The following PARP1 variants were observed in gnomAD, a reference collection of about 807,000 sequenced individuals.
PARP1 encodes poly(ADP-ribose) polymerase 1.
In PARP1, 44 loss-of-function variants were observed where a neutral mutation model predicts 118.7. The observed-to-expected ratio is 0.37, with a 90% CI of 0.29 to 0.48. The LOEUF is 0.48. Ranked by LOEUF, PARP1 falls within the 20% of genes least tolerant of loss-of-function variation. PARP1 has a pLI of 0.99. For synonymous variants in PARP1, 492 were observed against 483.2 expected, an observed-to-expected ratio of 1.02 and a Z score of -0.24; for missense variants, 1,100 against 1,272.4, an observed-to-expected ratio of 0.86 and a Z score of 2.06.
At chr1:226,386,534 T>C (rs1664721508) in intron 5 of PARP1, 92 bp from the exon 6 acceptor site, 6 of 858,954 alleles carry the variant, frequency 7.0e-6, no homozygotes, top group South Asian at 5.3e-5. Context: ...AGCCTCCAGT[T>C]ATACCCTTGT....
rs759579130 is a variant in PARP1 at position 226,363,144 on chromosome 1, C to G, written c.2803G>C (p.Ala935Pro). ...ALGNMYELKHASHISKLPKGK... is the reference protein window; with the variant it reads ...ALGNMYELKHPSHISKLPKGK... Reference sequence around the variant, plus strand: ...TTGGGTAACTTGCTGATATGTGAAGCGTGCTTCAGTTCATACCTATTCAAA... The same window carrying G: ...TTGGGTAACTTGCTGATATGTGAAGGGTGCTTCAGTTCATACCTATTCAAA... Residue 935 changes from alanine (A) to proline (P), a missense_variant, in exon 21 of 23, where the codon GCT (alanine) becomes CCT (proline). Physicochemically the swap from Ala to Pro is conservative, Grantham distance 27. This residue lies in a region of PARP1 where 152 missense variants were observed against 240.6 expected (regional missense o/e 0.63). Coordinates refer to ENST00000366794, the MANE Select transcript of PARP1 (RefSeq NM_001618.4). 2 of 1,613,288 alleles carry G rather than the reference C, an allele frequency of 1.2e-6. No homozygotes were observed. The highest frequency in any genetic ancestry group is 2.2e-5 in the South Asian group (2 of 91,062).
chr1:226,396,012 A>G (rs1388098361), intron 2 of PARP1, among the ~76,000 whole-genome samples: 1 of 152,096 alleles, frequency 6.6e-6, no homozygotes, highest in Non-Finnish European at 1.5e-5. Context: ...TTGCCTAACA[A>G]TGTGAATCTA....
chr1:226,380,591 C>T (rs990099899), intron 9 of PARP1, among the ~76,000 whole-genome samples: 3 of 152,208 alleles, frequency 2.0e-5, no homozygotes, highest in African/African-American at 7.2e-5. Flanking sequence ...TATCTATGCA[C>T]ATCTTACAGA....
chr1:226,397,497 T>C (rs1664948293), intron 2 of PARP1, among the ~76,000 whole-genome samples: 1 of 152,174 alleles, frequency 6.6e-6, no homozygotes, highest in African/African-American at 2.4e-5. Context: ...TGGATCTGTG[T>C]CCCCACTAAA....
At chr1:226,399,756 T>TATA (rs1163092737) in intron 2 of PARP1, among the ~76,000 whole-genome samples, 1 of 152,214 alleles carries the variant, frequency 6.6e-6, no homozygotes, top group African/African-American at 2.4e-5. Flanking sequence ...GCTCATCAGC[T>TATA]ATAACCATGG....
intron 5 of PARP1, among the ~76,000 whole-genome samples, chr1:226,387,865 T>C (rs1298194045): frequency 6.6e-6 from 1 of 152,254 alleles, no homozygotes; most frequent in Non-Finnish European, 1.5e-5. Context: ...TTTTGGTGCA[T>C]GACAGACACT....
In PARP1 at chr1:226,377,189, T is replaced by C. The variant is rs139083979; in HGVS notation, c.1860A>G (p.Glu620=). Residue 620 remains glutamate (E), a synonymous_variant, in exon 13 of 23, where the codon GAA becomes GAG. Coordinates refer to ENST00000366794, the MANE Select transcript of PARP1 (RefSeq NM_001618.4). ...TGGAGTGCCAAGCGTTCCCGGTTTT[T>C]TCTTCATATAATTTCATGAAGTGCT... ...AIEHFMKLYE[E]KTGNAWHSKN... 4.3e-5 allele frequency: 70 copies of C among 1,614,182 alleles called. No homozygotes were observed. Among genetic ancestry groups the C allele is most frequent in the African/African-American group, 2.8e-4 (21 of 75,054 alleles).
At chr1:226,403,704 C>G (rs780490315) in intron 1 of PARP1, among the ~76,000 whole-genome samples, 16 of 152,270 alleles carry the variant, frequency 1.1e-4, no homozygotes, top group Non-Finnish European at 1.5e-4. Flanking sequence ...ACTATGATTC[C>G]TCCCACCACA....
intron 17 of PARP1, 158 bp from the exon 18 acceptor site, chr1:226,366,210 AT>A (rs1449561784): frequency 2.9e-5 from 19 of 659,064 alleles, no homozygotes; most frequent in Non-Finnish European, 5.0e-5. Context: ...GGCTGGGCAG[AT>A]CCTGGGCCAG....
intron 21 of PARP1, among the ~76,000 whole-genome samples, chr1:226,362,676 T>C (rs1310379481): frequency 6.6e-6 from 1 of 152,194 alleles, no homozygotes; most frequent in Non-Finnish European, 1.5e-5. Flanking sequence ...CTCCAGGCAC[T>C]ACTATGTCAC....
At chr1:226,374,146 C>G in intron 14 of PARP1, 80 bp downstream of exon 14, 6 of 1,512,902 alleles carry the variant, frequency 4.0e-6, no homozygotes, top group Non-Finnish European at 5.5e-6. Context: ...GAAACAAGAA[C>G]AGGCAGACAG....
rs1238539245 is a variant in PARP1, at chr1:226,390,447, C to A, written c.580G>T (p.Ala194Ser). The A allele has an allele frequency of 5.6e-6, 9 of 1,614,156 alleles. No homozygotes were observed. Among genetic ancestry groups the A allele is most frequent in the South Asian group, 4.4e-5 (4 of 91,088 alleles). Residue 194 changes from alanine (A) to serine (S), a missense_variant, in exon 4 of 23, where the codon GCC (alanine) becomes TCC (serine). Ala to Ser is a moderately conservative substitution (Grantham distance 99). Coordinates refer to ENST00000366794, the MANE Select transcript of PARP1 (RefSeq NM_001618.4). ...ACTCCTGGGAGCTGCTTCTTCAGGG[C>A]TTCTTTATCCTCTGTAGCAAGGAGG... ...FSLLATEDKE[A>S]LKKQLPGVKS...
rs773670303 is a variant in PARP1 at position 226,392,281 on chromosome 1, T to C, written c.320A>G (p.Glu107Gly). 2 of 1,614,060 alleles carry C rather than the reference T, an allele frequency of 1.2e-6. No homozygotes were observed. Among genetic ancestry groups the C allele is most frequent in the Admixed American group, 3.3e-5 (2 of 60,022 alleles). ...KGQDGIGSKAEKTLGDFAAEY... is the reference protein window; with the variant it reads ...KGQDGIGSKAGKTLGDFAAEY... ...TGCTGCAAAGTCACCCAGAGTCTTC[T>C]CTGCCTTGCTACCAATTCCATCCTG... Residue 107 changes from glutamate (E) to glycine (G), a missense_variant, in exon 3 of 23, where the codon GAG becomes GGG. Physicochemically the swap from Glu to Gly is moderately conservative, Grantham distance 98 (BLOSUM62 -2). Coordinates refer to ENST00000366794, the MANE Select transcript of PARP1 (RefSeq NM_001618.4).
At chr1:226,405,705 AAC>A (rs1327105086) in intron 1 of PARP1, among the ~76,000 whole-genome samples, 1 of 152,184 alleles carries the variant, frequency 6.6e-6, no homozygotes, top group Non-Finnish European at 1.5e-5. Flanking sequence ...TTCTAGCCTC[AAC>A]ACAGTCTGGA....
In PARP1 at chr1:226,377,285, G is replaced by A. The variant is rs960961851; in HGVS notation, c.1764C>T (p.Ser588=). The A allele has an allele frequency of 1.2e-6, 2 of 1,613,916 alleles. No individual in the cohort carries two copies. The highest frequency in any genetic ancestry group is 1.7e-6 in the Non-Finnish European group (2 of 1,179,852). Residue 588 remains serine (S), a synonymous_variant, in exon 13 of 23, where the codon TCC becomes TCT. Transcript: ENST00000366794. ...DKENRYWIFR[S]WGRVGTVIGS... ...CGATCACCGTACCCACACGGCCCCA[G>A]GACCTGAATATCCAATACCTGCAGT... is the stretch of plus-strand genomic sequence containing the variant.
intron 6 of PARP1, 128 bp from the exon 7 acceptor site, chr1:226,385,808 G>T: frequency 1.2e-6 from 1 of 854,512 alleles, no homozygotes; most frequent in Non-Finnish European, 1.9e-6. Context: ...CTTGCTGTGG[G>T]CTTGCTATGG....
intron 18 of PARP1, 23 bp downstream of exon 18, chr1:226,365,931 G>A: frequency 6.7e-7 from 1 of 1,497,688 alleles, no homozygotes; most frequent in Non-Finnish European, 9.3e-7. Flanking sequence ...ACAGAAGGAA[G>A]TGGGGGAAGA....
intron 2 of PARP1, chr1:226,392,665 G>A (rs1044627131): frequency 1.9e-6 from 1 of 536,746 alleles, no homozygotes; most frequent in Non-Finnish European, 3.3e-6. Context: ...GCATACTGAC[G>A]TCTCACTAAG....
At chr1:226,363,273 C>T (rs181407683) in intron 20 of PARP1, 113 bp from the exon 21 acceptor site, 1 of 799,454 alleles carries the variant, frequency 1.3e-6, no homozygotes, top group African/African-American at 1.7e-5. Context: ...TCCACAAAAC[C>T]CAGACCATCT....
Sources: allele counts gnomAD v4.1 joint callset (sites outside exome capture counted in the v4.1 genomes callset), GRCh38; gene constraint gnomAD v4.1.1; regional missense constraint gnomAD v4.1.1; transcripts MANE v1.5; gene names NCBI Gene and HGNC (gene_info 2026-07-23, HGNC 2026-07-21).